The following FAM13A variants were observed in gnomAD, a reference collection of about 807,000 sequenced individuals.
The protein encoded by FAM13A is protein FAM13A.
FAM13A carries 76 observed loss-of-function variants against 129.6 expected under a neutral mutation model. The observed-to-expected ratio is 0.59, with a 90% confidence interval of 0.49 to 0.71. FAM13A has a LOEUF of 0.71. FAM13A is among the 30% of genes least tolerant of loss of function. The pLI is 0.00. For missense variants in FAM13A, 1,108 were observed against 1,249.3 expected (o/e 0.89, Z 1.70); for synonymous variants, 443 against 449.9 (o/e 0.98, Z 0.20).
chr4:88,899,125 T>C (rs943382626), intron 6 of FAM13A, among the ~76,000 whole-genome samples: 7 of 148,816 alleles, frequency 4.7e-5, no homozygotes, highest in Non-Finnish European at 9.0e-5. Flanking sequence ...TATATATATA[T>C]ACATACATAC....
chr4:89,046,427 A>AT (rs1770868448), intron 1 of FAM13A, among the ~76,000 whole-genome samples: 1 of 151,886 alleles, frequency 6.6e-6, no homozygotes, highest in Non-Finnish European at 1.5e-5. Context: ...TAAAGAAGAA[A>AT]TAACAGTCAC....
intron 3 of FAM13A, among the ~76,000 whole-genome samples, chr4:88,993,264 T>G (rs1366614715): frequency 6.6e-6 from 1 of 152,250 alleles, no homozygotes; most frequent in African/African-American, 2.4e-5. Flanking sequence ...TCTCATGCCT[T>G]TATATTATGA....
chr4:88,757,600 T>C (rs1380841109), intron 14 of FAM13A, among the ~76,000 whole-genome samples: 1 of 152,214 alleles, frequency 6.6e-6, no homozygotes, highest in African/African-American at 2.4e-5. Flanking sequence ...TGAATACATT[T>C]TGAGCTGAAA....
intron 3 of FAM13A, among the ~76,000 whole-genome samples, chr4:88,992,072 CACTG>C (rs1762983491): frequency 6.6e-6 from 1 of 152,160 alleles, no homozygotes; most frequent in Non-Finnish European, 1.5e-5. Context: ...ATTTTCCACC[CACTG>C]ACTGCTGCCT....
At chr4:88,912,304 G>T (rs1287031257) in intron 5 of FAM13A, among the ~76,000 whole-genome samples, 1 of 152,252 alleles carries the variant, frequency 6.6e-6, no homozygotes, top group Non-Finnish European at 1.5e-5. Flanking sequence ...GCAGAGGAAA[G>T]GTGAATTTGA....
chr4:89,019,719 C>T (rs914586298), intron 3 of FAM13A, among the ~76,000 whole-genome samples: 2 of 146,474 alleles, frequency 1.4e-5, no homozygotes, highest in African/African-American at 2.5e-5. Flanking sequence ...CAAGATTGTG[C>T]CACTGCACTC....
chr4:88,895,983 T>C (rs1237103323), intron 6 of FAM13A, among the ~76,000 whole-genome samples: 96 of 147,574 alleles, frequency 6.5e-4, no homozygotes, highest in Non-Finnish European at 9.8e-4. Context: ...ATGTTTATTG[T>C]GGCACTATTC....
chr4:89,023,496 T>G (rs1767554384), intron 2 of FAM13A, among the ~76,000 whole-genome samples: 2 of 152,060 alleles, frequency 1.3e-5, no homozygotes, highest in South Asian at 4.1e-4. Context: ...TTTTTGAACC[T>G]TCCCCCAAAT....
chr4:89,008,867 C>G (rs960010478), intron 3 of FAM13A: 4 of 152,082 alleles, frequency 2.6e-5, no homozygotes, highest in Admixed American at 2.6e-4. Context: ...ATAATTGATG[C>G]TCAGAATTAT....
At chr4:88,922,832 A>C (rs1197916611) in intron 5 of FAM13A, among the ~76,000 whole-genome samples, 1 of 152,202 alleles carries the variant, frequency 6.6e-6, no homozygotes. Flanking sequence ...AAGAGAGAAG[A>C]ATCAAATAGA....
intron 6 of FAM13A, among the ~76,000 whole-genome samples, chr4:88,876,802 A>G (rs1034399574): frequency 2.0e-5 from 3 of 152,158 alleles, no homozygotes; most frequent in Non-Finnish European, 4.4e-5. Flanking sequence ...CATGTTAGCC[A>G]GGATGGTCTC....
chr4:88,852,040 C>T (rs1363285577), intron 6 of FAM13A, among the ~76,000 whole-genome samples: 1 of 152,152 alleles, frequency 6.6e-6, no homozygotes, highest in African/African-American at 2.4e-5. Flanking sequence ...CCATGCTTGT[C>T]CTTACATCTG....
At chr4:88,812,858 G>T (rs1729936213) in intron 7 of FAM13A, among the ~76,000 whole-genome samples, 1 of 152,186 alleles carries the variant, frequency 6.6e-6, no homozygotes, top group Non-Finnish European at 1.5e-5. Flanking sequence ...GCTTGCAGTA[G>T]TGTTTGATTA....
rs533758828 is a variant in FAM13A at position 88,919,092 on chromosome 4, C to A, written c.760-12630G>T. On this transcript the variant is annotated intron_variant, in intron 5 of 23. Transcript: ENST00000264344. ...TCTGACACTATTTTCCCATAAATAGCTATATTGTTGTATTCACACTACATT... is the reference window on the plus strand; with the variant it reads ...TCTGACACTATTTTCCCATAAATAGATATATTGTTGTATTCACACTACATT... Among the ~76,000 whole-genome samples the A allele has an allele frequency of 4.6e-5, 7 of 152,290 alleles. No individual in the cohort carries two copies. In the East Asian group the frequency reaches 1.4e-3, roughly 29 times the overall value.
chr4:88,806,145 T>G (rs1728512565), intron 7 of FAM13A, among the ~76,000 whole-genome samples: 1 of 152,184 alleles, frequency 6.6e-6, no homozygotes, highest in South Asian at 2.1e-4. Context: ...TGCTTTTCAG[T>G]GGCCACTCCC....
At chr4:89,042,429 G>A (rs908422319) in intron 1 of FAM13A, among the ~76,000 whole-genome samples, 8 of 152,074 alleles carry the variant, frequency 5.3e-5, no homozygotes, top group Non-Finnish European at 8.8e-5. Context: ...ATCTGAAGCC[G>A]TCTAAAAATC....
chr4:88,924,775 A>C (rs1241619232), intron 5 of FAM13A, among the ~76,000 whole-genome samples: 5 of 151,266 alleles, frequency 3.3e-5, no homozygotes, highest in African/African-American at 9.7e-5. Context: ...GCAACCTACA[A>C]AATGGGAGAA....
At chr4:89,030,489 T>A (rs754636527) in intron 1 of FAM13A, among the ~76,000 whole-genome samples, 53 of 152,184 alleles carry the variant, frequency 3.5e-4, no homozygotes, top group Middle Eastern at 3.4e-3. Context: ...ATGCGAACGG[T>A]CTTATTTGGG....
chr4:88,956,463 T>A (rs985869315), intron 4 of FAM13A, among the ~76,000 whole-genome samples: 3 of 152,194 alleles, frequency 2.0e-5, no homozygotes, highest in Admixed American at 2.0e-4. Flanking sequence ...AATTGTCTAA[T>A]GACGCATTTC....
Sources: allele counts gnomAD v4.1 joint callset (sites outside exome capture counted in the v4.1 genomes callset), GRCh38; gene constraint gnomAD v4.1.1; transcripts MANE v1.5; gene names NCBI Gene and HGNC (gene_info 2026-07-23, HGNC 2026-07-21).